Variants in PTPRT observed in about 807,000 individuals in gnomAD.
PTPRT encodes protein tyrosine phosphatase receptor type T, also known as receptor-type tyrosine-protein phosphatase T.
PTPRT carries 56 observed loss-of-function variants against 176.8 expected under a neutral mutation model. The observed-to-expected ratio is 0.32, with a 90% CI of 0.26 to 0.40. The LOEUF (loss-of-function observed/expected upper bound fraction) is 0.40. Ranked by LOEUF, PTPRT falls within the 10% of genes least tolerant of loss-of-function variation. The pLI is 1.00. For missense variants in PTPRT, 1,540 were observed against 1,908.2 expected (o/e 0.81, Z 3.60); for synonymous variants, 783 against 739.0 (o/e 1.06, Z -0.96).
chr20:42,584,174 T>C (rs569725575), intron 7 of PTPRT, among the ~76,000 whole-genome samples: 1 of 152,336 alleles, frequency 6.6e-6, no homozygotes, highest in East Asian at 1.9e-4. Context: ...CTGTCCACAT[T>C]CCTGACCACA....
chr20:42,430,524 C>A (rs2059206571), intron 9 of PTPRT, among the ~76,000 whole-genome samples: 2 of 152,172 alleles, frequency 1.3e-5, no homozygotes, highest in Non-Finnish European at 2.9e-5. Flanking sequence ...TCAACCTCTT[C>A]TTCTGCAGGT....
chr20:43,006,585 G>T (rs115734503), intron 1 of PTPRT, among the ~76,000 whole-genome samples: 1,970 of 152,198 alleles, frequency 0.013, 29 homozygotes, highest in African/African-American at 0.041. Flanking sequence ...CTCCCCGGGG[G>T]CTGTCTTTTC....
At chr20:42,143,119 A>G (rs1988702688) in intron 17 of PTPRT, among the ~76,000 whole-genome samples, 1 of 152,184 alleles carries the variant, frequency 6.6e-6, no homozygotes, top group African/African-American at 2.4e-5. Context: ...TGAACTGGGC[A>G]TTATTCTAAG....
intron 2 of PTPRT, among the ~76,000 whole-genome samples, chr20:42,843,181 G>C (rs534354771): frequency 6.6e-6 from 1 of 152,178 alleles, no homozygotes; most frequent in Non-Finnish European, 1.5e-5. Context: ...GATAAATGTT[G>C]GTTCCCTAAA....
chr20:43,016,680 T>C (rs1169650425), intron 1 of PTPRT, among the ~76,000 whole-genome samples: 1 of 149,750 alleles, frequency 6.7e-6, no homozygotes, highest in Non-Finnish European at 1.5e-5. Flanking sequence ...GCTGGGACTA[T>C]AGGTGCATCA....
At chr20:42,973,880 G>C (rs575825539) in intron 1 of PTPRT, among the ~76,000 whole-genome samples, 6 of 152,234 alleles carry the variant, frequency 3.9e-5, no homozygotes, top group Non-Finnish European at 8.8e-5. Context: ...ACTGAGTATA[G>C]TTTCCAGGTA....
At chr20:42,068,925 A>G (rs1428048006), downstream of PTPRT, among the ~76,000 whole-genome samples, 4 of 152,318 alleles carry the variant, frequency 2.6e-5, no homozygotes, top group Non-Finnish European at 4.4e-5. Context: ...TTCATCTTCT[A>G]TCTCAGCACA....
intron 17 of PTPRT, among the ~76,000 whole-genome samples, chr20:42,143,937 G>A (rs898079496): frequency 2.0e-5 from 3 of 152,182 alleles, no homozygotes; most frequent in Non-Finnish European, 2.9e-5. Flanking sequence ...TGATCAATTC[G>A]CATCCAGTAT....
intron 8 of PTPRT, among the ~76,000 whole-genome samples, chr20:42,450,013 C>A (rs6065479): frequency 1.3e-5 from 2 of 151,718 alleles, no homozygotes; most frequent in South Asian, 2.1e-4. Flanking sequence ...TCATTGTGAC[C>A]TTATTTTATC....
Position 42,193,281 on chromosome 20 carries a change from T to A in PTPRT, c.2491+5959A>T, listed in dbSNP as rs551716542. Reference sequence around the variant, plus strand: ...ATGCTTATCATAGTACCTGGCACCTTGTGGGAATCTGCTAGGCTCCATGCC... The same window carrying A: ...ATGCTTATCATAGTACCTGGCACCTAGTGGGAATCTGCTAGGCTCCATGCC... On this transcript the variant is annotated intron_variant, in intron 16 of 30. Transcript: ENST00000373187. Among the ~76,000 whole-genome samples the A allele has an allele frequency of 2.6e-5, 4 of 152,380 alleles. No homozygotes were observed. The East Asian group carries it at 7.7e-4, about 29-fold the overall frequency.
At chr20:42,388,569 C>T (rs1297030799) in intron 9 of PTPRT, among the ~76,000 whole-genome samples, 2 of 152,194 alleles carry the variant, frequency 1.3e-5, no homozygotes, top group Non-Finnish European at 2.9e-5. Context: ...ATCAAAACCA[C>T]AATGAGATAC....
Position 42,540,580 on chromosome 20 carries a change from A to C in PTPRT, c.1154-68018T>G, listed in dbSNP as rs145390796. ...CTCTGGGAGAGCTTTCTGTAGGAGG[A>C]TGAAATTGAAAAAATAACTGAAGCA... On this transcript the variant is annotated intron_variant, in intron 7 of 30. Transcript: ENST00000373187. Among the ~76,000 whole-genome samples the C allele has an allele frequency of 3.5e-3, 527 of 152,238 alleles. 2 individuals carry two copies. The highest frequency in any genetic ancestry group is 0.012 in the African/African-American group (487 of 41,538).
intron 7 of PTPRT, among the ~76,000 whole-genome samples, chr20:42,491,064 T>C (rs961346319): frequency 2.0e-5 from 3 of 152,176 alleles, no homozygotes; most frequent in African/African-American, 7.2e-5. Context: ...ATATTTAAAG[T>C]AGTGAATTGC....
chr20:42,152,366 T>C (rs1409969290), intron 17 of PTPRT, among the ~76,000 whole-genome samples: 1 of 152,252 alleles, frequency 6.6e-6, no homozygotes, highest in East Asian at 1.9e-4. Flanking sequence ...GCAAATATTA[T>C]TGCATACCAT....
chr20:42,404,132 T>C (rs2058936512), intron 9 of PTPRT, among the ~76,000 whole-genome samples: 1 of 152,202 alleles, frequency 6.6e-6, no homozygotes, highest in Non-Finnish European at 1.5e-5. Context: ...ATTCTTCTCC[T>C]GGGCACACAG....
chr20:43,056,126 T>A (rs555598247), intron 1 of PTPRT, among the ~76,000 whole-genome samples: 2 of 152,226 alleles, frequency 1.3e-5, no homozygotes, highest in South Asian at 4.2e-4. Context: ...AACTCTTGGG[T>A]CCCATTCATT....
intron 9 of PTPRT, among the ~76,000 whole-genome samples, chr20:42,437,861 A>G (rs892773859): frequency 1.3e-5 from 2 of 152,224 alleles, no homozygotes; most frequent in African/African-American, 4.8e-5. Flanking sequence ...TTTTGTTCTG[A>G]CCAAAACAGA....
At chr20:42,452,612 GTCTA>G (rs1363715807) in intron 8 of PTPRT, among the ~76,000 whole-genome samples, 2 of 152,008 alleles carry the variant, frequency 1.3e-5, no homozygotes, top group East Asian at 3.9e-4. Flanking sequence ...TCATTTGAGG[GTCTA>G]TCTGACGGAA....
chr20:42,235,709 C>T (rs914115950), intron 15 of PTPRT, among the ~76,000 whole-genome samples: 1 of 152,144 alleles, frequency 6.6e-6, no homozygotes, highest in Non-Finnish European at 1.5e-5. Flanking sequence ...CAACCCAAAG[C>T]AAAGACACTG....
Sources: gnomAD v4.1 joint callset for allele counts (sites outside exome capture counted in the v4.1 genomes callset) on GRCh38, gnomAD v4.1.1 for gene constraint, MANE v1.5 for transcripts, NCBI Gene and HGNC (gene_info 2026-07-23, HGNC 2026-07-21) for gene names.